GLB1L3: variants seen among roughly 807,000 people sequenced by gnomAD.
The protein encoded by GLB1L3 is galactosidase beta 1 like 3.
Under a neutral mutation model 89.5 loss-of-function variants are expected in GLB1L3, and 89 were observed. The observed-to-expected ratio is 0.99, with a 90% CI of 0.84 to 1.19. GLB1L3 has a LOEUF of 1.19. Among genes scored for constraint, GLB1L3 ranks in the 50% most tolerant of loss-of-function variants. GLB1L3 has a pLI of 0.00. For synonymous variants in GLB1L3, 314 were observed against 312.3 expected (o/e 1.01, Z -0.06); for missense variants, 812 against 813.3 (o/e 1.00, Z 0.02).
intron 9 of GLB1L3, among the ~76,000 whole-genome samples, chr11:134,301,030 G>A (rs1009635360): frequency 2.0e-5 from 3 of 152,164 alleles, no homozygotes; most frequent in African/African-American, 4.8e-5. Flanking sequence ...GGTGTCAGCC[G>A]CCATCCGTCT....
At chr11:134,289,516 A>AC (rs1264212655) in intron 7 of GLB1L3, among the ~76,000 whole-genome samples, 2 of 152,216 alleles carry the variant, frequency 1.3e-5, no homozygotes, top group Admixed American at 1.3e-4. Flanking sequence ...CTGTGAATTT[A>AC]CAGCAGTCAA....
chr11:134,288,722 C>T, intron 6 of GLB1L3, 76 bp from the exon 7 acceptor site: 3 of 1,031,798 alleles, frequency 2.9e-6, no homozygotes, highest in South Asian at 3.0e-5. Context: ...GTGCAGCCTT[C>T]GGCAGCAAGC....
At chr11:134,292,263 G>A (rs200669668) in intron 8 of GLB1L3, 50 bp downstream of exon 8, 37 of 1,402,366 alleles carry the variant, frequency 2.6e-5, no homozygotes, top group African/African-American at 1.3e-4. Context: ...CAGCCAGCCC[G>A]TGTAAATCTT....
downstream of GLB1L3, among the ~76,000 whole-genome samples, chr11:134,321,518 C>T (rs1338793732): frequency 6.6e-6 from 1 of 152,062 alleles, no homozygotes; most frequent in Non-Finnish European, 1.5e-5. Flanking sequence ...TGGAACCAAC[C>T]CAAATGTCTA....
chr11:134,320,856 T>C (rs1591602243), downstream of GLB1L3, among the ~76,000 whole-genome samples: 1 of 152,164 alleles, frequency 6.6e-6, no homozygotes, highest in African/African-American at 2.4e-5. Context: ...CATAAGAGAA[T>C]TAAACACTGC....
At chr11:134,292,296 A>G (rs1591550703) in intron 8 of GLB1L3, 83 bp downstream of exon 8, 2 of 938,996 alleles carry the variant, frequency 2.1e-6, no homozygotes, top group Admixed American at 4.3e-5. Flanking sequence ...GAGAAAACCA[A>G]GTGCATCTCG....
At chr11:134,295,568 C>T (rs1941588791) in intron 9 of GLB1L3, among the ~76,000 whole-genome samples, 1 of 151,840 alleles carries the variant, frequency 6.6e-6, no homozygotes, top group African/African-American at 2.4e-5. Context: ...CAGCTTTCGG[C>T]TTGATTTTGA....
downstream of GLB1L3, among the ~76,000 whole-genome samples, chr11:134,319,934 G>A (rs1236959378): frequency 6.6e-6 from 1 of 152,082 alleles, no homozygotes; most frequent in African/African-American, 2.4e-5. Context: ...CTAGCGCAGG[G>A]TTCTCTGTGT....
chr11:134,298,569 A>G (rs1941776706), intron 9 of GLB1L3, among the ~76,000 whole-genome samples: 1 of 152,188 alleles, frequency 6.6e-6, no homozygotes, highest in Non-Finnish European at 1.5e-5. Context: ...TAATTGAATC[A>G]TAAGGGCCAG....
In GLB1L3 at chr11:134,283,754, C is replaced by A; in HGVS notation, c.545C>A (p.Pro182His). Residue 182 changes from proline to histidine, a missense_variant, in exon 6 of 20, where the codon CCC becomes CAC. Pro to His is a moderately conservative substitution (Grantham distance 77). This residue lies in a region of GLB1L3 where 618 missense variants were observed against 604.0 expected (regional missense o/e 1.02). Transcript: ENST00000431683. Reference protein sequence around the residue: ...GGLPSWLLQDPRLLLRTTNKS... With the variant: ...GGLPSWLLQDHRLLLRTTNKS... Reference sequence around the variant, plus strand: ...GCCCCCAGCTGGCTCCTGCAAGACCCCCGGTTACTGTTGAGGACAACCAAC... The same window carrying A: ...GCCCCCAGCTGGCTCCTGCAAGACCACCGGTTACTGTTGAGGACAACCAAC... 6.2e-7 allele frequency: 1 copy of A among 1,611,968 alleles called. No individual in the cohort carries two copies. The highest frequency in any genetic ancestry group is 8.5e-7 in the Non-Finnish European group (1 of 1,178,870).
chr11:134,312,589 A>T (rs1942789234), intron 14 of GLB1L3, 100 bp downstream of exon 14: 18 of 1,430,736 alleles, frequency 1.3e-5, no homozygotes, highest in South Asian at 1.0e-4. Context: ...CTGTTTGGTG[A>T]CCTACTATAT....
chr11:134,307,280 C>A, intron 10 of GLB1L3, 72 bp downstream of exon 10: 1 of 1,077,212 alleles, frequency 9.3e-7, no homozygotes, highest in Non-Finnish European at 1.4e-6. Context: ...TCATACAGTT[C>A]TCTGCTAATT....
chr11:134,318,875 A>G lies in GLB1L3; in HGVS notation c.1897-2A>G. On this transcript the variant is annotated splice_acceptor_variant, in intron 19 of 19. Transcript: ENST00000431683. LOFTEE classifies it high-confidence loss of function. ...CACTGTCAACCTTTCTTTTCTTCTC[A>G]GGTCATCTTGTTTGAGAAGATGATG... 6.2e-7 allele frequency: 1 copy of G among 1,612,426 alleles called. No homozygotes were observed. The highest frequency in any genetic ancestry group is 8.5e-7 in the Non-Finnish European group (1 of 1,178,560).
At chr11:134,320,693 A>G (rs1943154397), downstream of GLB1L3, among the ~76,000 whole-genome samples, 1 of 152,056 alleles carries the variant, frequency 6.6e-6, no homozygotes, top group South Asian at 2.1e-4. Flanking sequence ...AAAAGAGCTC[A>G]CAACTTAGAA....
intron 6 of GLB1L3, among the ~76,000 whole-genome samples, chr11:134,286,828 ATAGG>A (rs972389093): frequency 5.5e-5 from 4 of 72,650 alleles, no homozygotes; most frequent in Admixed American, 2.3e-4. Flanking sequence ...AAAATAATAG[ATAGG>A]TAGGCTATAT....
downstream of GLB1L3, among the ~76,000 whole-genome samples, chr11:134,320,575 C>T (rs981369642): frequency 6.6e-6 from 1 of 152,160 alleles, no homozygotes; most frequent in African/African-American, 2.4e-5. Flanking sequence ...CTCTGATTGG[C>T]ACCTCCTCTT....
intron 15 of GLB1L3, 84 bp from the exon 16 acceptor site, chr11:134,313,312 A>T (rs1942831043): frequency 1.0e-6 from 1 of 987,984 alleles, no homozygotes; most frequent in Non-Finnish European, 1.6e-6. Flanking sequence ...GTGTCTCTCC[A>T]TGTGGGACTC....
chr11:134,281,397 A>C lies in GLB1L3; in HGVS notation c.383A>C (p.His128Pro). Reference protein sequence around the residue: ...TVTTYVPWNLHEPERGKFDFS... With the variant: ...TVTTYVPWNLPEPERGKFDFS... ...TCTAGCTATGTTCCGTGGAACCTGC[A>C]TGAGCCAGAAAGAGGCAAATTTGAC... The change falls in exon 4 of 20, where the codon CAT (histidine) becomes CCT (proline). Residue 128 changes from histidine (H) to proline (P), a missense_variant. This residue lies in a region of GLB1L3 where 191 missense variants were observed against 191.4 expected (regional missense o/e 1.00). Transcript: ENST00000431683. 6.2e-7 allele frequency: 1 copy of C among 1,614,190 alleles called. No individual in the cohort carries two copies.
chr11:134,322,758 A>G (rs919894657), downstream of GLB1L3, among the ~76,000 whole-genome samples: 1 of 152,178 alleles, frequency 6.6e-6, no homozygotes, highest in Non-Finnish European at 1.5e-5. Context: ...ATCCTTTTTC[A>G]TGGCTGAATA....
Sources: allele counts gnomAD v4.1 joint callset (sites outside exome capture counted in the v4.1 genomes callset), GRCh38; gene constraint gnomAD v4.1.1; regional missense constraint gnomAD v4.1.1; transcripts MANE v1.5; gene names NCBI Gene and HGNC (gene_info 2026-07-23, HGNC 2026-07-21).